Variants in ATRN observed in about 807,000 individuals in gnomAD.
The protein encoded by ATRN is attractin-2.
A neutral mutation model predicts 178.7 loss-of-function variants in ATRN; 54 were observed. The observed-to-expected ratio is 0.30, with a 90% CI of 0.24 to 0.38. The LOEUF is 0.38. ATRN is among the 10% of genes least tolerant of loss of function. The pLI is 1.00. For missense variants in ATRN, 1,443 were observed against 1,815.1 expected, an observed-to-expected ratio of 0.79 and a Z score of 3.73; for synonymous variants, 636 against 663.0, an observed-to-expected ratio of 0.96 and a Z score of 0.63.
chr20:3,489,969 G>T, intron 1 of ATRN: 1 of 1,016,870 alleles, frequency 9.8e-7, no homozygotes, highest in Non-Finnish European at 1.6e-6. Context: ...CTCTTCTCCT[G>T]TCCTTGCTTG....
chr20:3,530,861 C>G (rs745396695), intron 1 of ATRN, among the ~76,000 whole-genome samples: 1 of 152,034 alleles, frequency 6.6e-6, no homozygotes, highest in Non-Finnish European at 1.5e-5. Flanking sequence ...AACTATGAGA[C>G]GAGTCCTTTG....
chr20:3,514,322 C>T (rs2085177701), intron 1 of ATRN, among the ~76,000 whole-genome samples: 1 of 152,218 alleles, frequency 6.6e-6, no homozygotes, highest in Admixed American at 6.5e-5. Context: ...GTTACAGACT[C>T]TTCCAGAGCA....
intron 22 of ATRN, 83 bp downstream of exon 22, chr20:3,598,083 T>A: frequency 1.1e-6 from 1 of 875,904 alleles, no homozygotes; most frequent in Non-Finnish European, 1.9e-6. Flanking sequence ...CGTACTGCCT[T>A]AACAGTGCTC....
At chr20:3,476,688 G>A (rs1282941783) in intron 1 of ATRN, among the ~76,000 whole-genome samples, 1 of 151,974 alleles carries the variant, frequency 6.6e-6, no homozygotes, top group Admixed American at 6.6e-5. Flanking sequence ...GTGAAACCCC[G>A]TCTCCACTAA....
At chr20:3,508,003 A>G (rs2085071148) in intron 1 of ATRN, among the ~76,000 whole-genome samples, 2 of 151,904 alleles carry the variant, frequency 1.3e-5, no homozygotes, top group Admixed American at 1.3e-4. Flanking sequence ...GCGCCTGGTG[A>G]AAGTTAAAAA....
At chr20:3,613,388 C>T (rs531382987) in intron 24 of ATRN, among the ~76,000 whole-genome samples, 2 of 152,196 alleles carry the variant, frequency 1.3e-5, no homozygotes, top group African/African-American at 2.4e-5. Context: ...TCTGGCTGTG[C>T]GCTATGTGGA....
chr20:3,616,833 C>T lies in ATRN; in HGVS notation c.3802-7678C>T, dbSNP rs376590474. ...CCAGGTGGAATTCTTGTGTAGAAAC[C>T]CAGGGAAGGGGACCATCTGATGACA... On this transcript the variant is annotated intron_variant, in intron 24 of 28. Coordinates refer to ENST00000262919, the MANE Select transcript of ATRN (RefSeq NM_139321.3). 1.6e-4 allele frequency among the ~76,000 whole-genome samples: 24 copies of T among 152,020 alleles called. 1 individual carries two copies. The highest frequency in any genetic ancestry group is 8.5e-4 in the Admixed American group (13 of 15,258).
chr20:3,639,042 T>C lies in ATRN; in HGVS notation c.4050+107T>C, dbSNP rs939351774. 1.2e-5 allele frequency: 9 copies of C among 737,076 alleles called. No individual in the cohort carries two copies. The African/African-American group carries it at 1.3e-4, about 10-fold the overall frequency. The allele number at this position is 737,076 out of a possible 1,614,324, so 45.7% of individuals were successfully genotyped here. On this transcript the variant is annotated intron_variant, in intron 27 of 28. Coordinates refer to ENST00000262919, the MANE Select transcript of ATRN (RefSeq NM_139321.3). ...AGCCCTATTCCATTACCTCCTTTTTTTCCTCTCTTTCTTTTTAACAATAAG... is the reference window on the plus strand; with the variant it reads ...AGCCCTATTCCATTACCTCCTTTTTCTCCTCTCTTTCTTTTTAACAATAAG...
intron 18 of ATRN, among the ~76,000 whole-genome samples, chr20:3,589,456 C>G (rs1186220368): frequency 6.6e-6 from 1 of 151,116 alleles, no homozygotes; most frequent in Non-Finnish European, 1.5e-5. Context: ...AGAGCTTGCT[C>G]TCTTATATTG....
chr20:3,610,217 G>A (rs1230158729), intron 24 of ATRN, among the ~76,000 whole-genome samples: 6 of 152,158 alleles, frequency 3.9e-5, no homozygotes, highest in Admixed American at 3.9e-4. Flanking sequence ...AAGGGCAAAA[G>A]TTCTAGAATA....
intron 14 of ATRN, 139 bp downstream of exon 14, chr20:3,577,136 G>A (rs1344996985): frequency 9.2e-7 from 1 of 1,090,882 alleles, no homozygotes. Context: ...AGTATTATGG[G>A]CTTTTTTGTT....
At chr20:3,596,494 C>T (rs372388750) in intron 21 of ATRN, 65 bp downstream of exon 21, 29 of 1,471,658 alleles carry the variant, frequency 2.0e-5, no homozygotes, top group African/African-American at 5.6e-5. Flanking sequence ...ATTGTTTAAA[C>T]GGGTTTGAGA....
At chr20:3,636,456 A>AC (rs1239088069) in intron 26 of ATRN, among the ~76,000 whole-genome samples, 3 of 152,246 alleles carry the variant, frequency 2.0e-5, no homozygotes, top group Non-Finnish European at 4.4e-5. Flanking sequence ...TAATTTGAAA[A>AC]CAAAACTCAC....
At chr20:3,578,827 G>A in intron 15 of ATRN, 55 bp downstream of exon 15, 1 of 1,510,230 alleles carries the variant, frequency 6.6e-7, no homozygotes, top group South Asian at 1.2e-5. Flanking sequence ...TCTACCAAGG[G>A]CATGACTGCA....
intron 12 of ATRN, among the ~76,000 whole-genome samples, chr20:3,575,111 G>A (rs779461879): frequency 1.3e-5 from 2 of 152,070 alleles, no homozygotes; most frequent in African/African-American, 4.8e-5. Context: ...TTACAGGAAC[G>A]CGCCACTATG....
rs990155941 is a variant in ATRN at position 3,604,016 on chromosome 20, A to G, written c.3644-89A>G. The G allele has an allele frequency of 1.4e-5, 15 of 1,101,880 alleles. 1 individual carries two copies. The African/African-American group carries it at 1.7e-4, about 13-fold the overall frequency. 68.3% of individuals were successfully genotyped at this position (1,101,880 alleles called of 1,614,324 possible). A position where few individuals can be genotyped will look rare whatever the true frequency, so the allele number is the denominator to read the frequency against. ...ACACAGGAAATGTTTGATAAATGCT[A>G]TTGTCCTTATTATTAATGAGGCCAG... On this transcript the variant is annotated intron_variant, in intron 23 of 28. Transcript: ENST00000262919.
intron 1 of ATRN, chr20:3,490,681 G>T: frequency 1.2e-6 from 1 of 821,000 alleles, no homozygotes. Context: ...GCCTTCAGGA[G>T]CTCCTCAAAT....
At chr20:3,584,958 G>C in intron 18 of ATRN, 78 bp downstream of exon 18, 1 of 1,368,650 alleles carries the variant, frequency 7.3e-7, no homozygotes, top group Non-Finnish European at 1.0e-6. Flanking sequence ...GCTACGTTGT[G>C]TATATGTAAC....
At chr20:3,480,584 T>C (rs1184679564) in intron 1 of ATRN, among the ~76,000 whole-genome samples, 1 of 152,138 alleles carries the variant, frequency 6.6e-6, no homozygotes, top group Non-Finnish European at 1.5e-5. Context: ...CCACTTACAG[T>C]AGAACAATTC....
Sources: allele counts gnomAD v4.1 joint callset (sites outside exome capture counted in the v4.1 genomes callset), GRCh38; gene constraint gnomAD v4.1.1; transcripts MANE v1.5; gene names NCBI Gene and HGNC (gene_info 2026-07-23, HGNC 2026-07-21).